SLC25A13: variants seen among roughly 807,000 people sequenced by gnomAD.
SLC25A13 encodes electrogenic aspartate/glutamate antiporter SLC25A13, mitochondrial.
SLC25A13 carries 70 observed loss-of-function variants against 85.5 expected under a neutral mutation model. The ratio of observed to expected loss-of-function variants is 0.82; its 90% CI spans 0.68 to 1.00. SLC25A13 has a LOEUF of 1.00. SLC25A13 is among the 50% of genes least tolerant of loss of function. SLC25A13 has a pLI of 0.00. For missense variants in SLC25A13, 765 were observed against 819.8 expected, an observed-to-expected ratio of 0.93 and a Z score of 0.82; for synonymous variants, 259 against 288.7, an observed-to-expected ratio of 0.90 and a Z score of 1.04.
rs138637654 is a variant in SLC25A13, at chr7:96,162,783, G to C, written c.1311+7262C>G. Among the ~76,000 whole-genome samples, 204 of 152,336 alleles carry C rather than the reference G, an allele frequency of 1.3e-3. 1 individual carries two copies. The highest frequency in any genetic ancestry group is 4.7e-3 in the African/African-American group (197 of 41,578). ...GCAGAGGGATGCAAAGTCACTGTGA[G>C]AGAGACAAAGGCCAAGTAGAGAAAA... On this transcript the variant is annotated intron_variant, in intron 13 of 17. Transcript: ENST00000265631.
At chr7:96,291,695 G>A (rs905061700) in intron 2 of SLC25A13, among the ~76,000 whole-genome samples, 1 of 151,878 alleles carries the variant, frequency 6.6e-6, no homozygotes, top group Non-Finnish European at 1.5e-5. Flanking sequence ...GGATAAATTC[G>A]TCGACACATA....
At chr7:96,238,059 C>T (rs548635006) in intron 3 of SLC25A13, among the ~76,000 whole-genome samples, 10 of 152,166 alleles carry the variant, frequency 6.6e-5, no homozygotes, top group African/African-American at 2.4e-4. Context: ...CAGAATGTGA[C>T]TTTATTTGGA....
Position 96,178,308 on chromosome 7 carries a change from G to A in SLC25A13, c.1177+5969C>T, listed in dbSNP as rs543499222. Among the ~76,000 whole-genome samples the A allele has an allele frequency of 1.5e-4, 23 of 152,234 alleles. No homozygotes were observed. The East Asian group carries it at 4.5e-3, about 29-fold the overall frequency. ...GCAACGCTAGCAGGACCACAGAGGT[G>A]GAGGGGCTACTACCAAGGAAGAAAC... On this transcript the variant is annotated intron_variant, in intron 11 of 17. Transcript: ENST00000265631.
At chr7:96,225,082 T>C (rs1214286497) in intron 4 of SLC25A13, among the ~76,000 whole-genome samples, 7 of 152,256 alleles carry the variant, frequency 4.6e-5, no homozygotes, top group Non-Finnish European at 1.0e-4. Context: ...GGTTGGCATG[T>C]ATTTTAAAAT....
At chr7:96,268,321 A>G (rs1798112105) in intron 3 of SLC25A13, among the ~76,000 whole-genome samples, 1 of 152,266 alleles carries the variant, frequency 6.6e-6, no homozygotes, top group Admixed American at 6.5e-5. Context: ...TATAAAAATT[A>G]TACTTAGAAG....
chr7:96,288,353 G>A (rs1798972745), intron 2 of SLC25A13, among the ~76,000 whole-genome samples: 1 of 152,208 alleles, frequency 6.6e-6, no homozygotes, highest in Non-Finnish European at 1.5e-5. Flanking sequence ...CGATGCAGAA[G>A]ACAGGTGATT....
At chr7:96,169,990 T>C in intron 13 of SLC25A13, 55 bp downstream of exon 13, 1 of 1,521,540 alleles carries the variant, frequency 6.6e-7, no homozygotes. Context: ...ACCATGGTAG[T>C]GATATATATG....
intron 4 of SLC25A13, among the ~76,000 whole-genome samples, chr7:96,224,889 G>T (rs926208586): frequency 5.9e-5 from 9 of 152,148 alleles, no homozygotes; most frequent in Non-Finnish European, 1.2e-4. Context: ...GTGGCACAGT[G>T]AAGAACAGTC....
chr7:96,202,357 T>A (rs951846547), intron 5 of SLC25A13, among the ~76,000 whole-genome samples: 2 of 152,190 alleles, frequency 1.3e-5, no homozygotes, highest in African/African-American at 2.4e-5. Flanking sequence ...AAAACTATGA[T>A]AAAATACTCA....
rs1562780323 is a variant in SLC25A13 at position 96,128,943 on chromosome 7, T to TCG, written c.1591+2799_1591+2800insCG. 5.1e-4 allele frequency among the ~76,000 whole-genome samples: 62 copies of TCG among 120,514 alleles called. 1 individual carries two copies. The highest frequency in any genetic ancestry group is 2.5e-3 in the African/African-American group (61 of 24,094). The allele number at this position is 120,514 out of a possible 152,430, so 79.1% of individuals were successfully genotyped here. ...ACTGCAGCTTCTGCCTTGCTTGCTC[T>TCG]CTCTCTCTCTCTCTCTCTCTCTCTC... is the stretch of plus-strand genomic sequence containing the variant. On this transcript the variant is annotated intron_variant, in intron 15 of 17. Coordinates refer to ENST00000265631, the MANE Select transcript of SLC25A13 (RefSeq NM_014251.3).
chr7:96,185,971 T>C (rs903160422), intron 9 of SLC25A13, among the ~76,000 whole-genome samples: 3 of 152,100 alleles, frequency 2.0e-5, no homozygotes, highest in Admixed American at 2.0e-4. Flanking sequence ...ATCAATCAAA[T>C]TGGCAGGTTT....
intron 2 of SLC25A13, chr7:96,283,416 A>G: frequency 2.4e-6 from 1 of 413,344 alleles, no homozygotes; most frequent in Admixed American, 2.5e-5. Flanking sequence ...GGCCTTTTAG[A>G]AAACATAGAG....
chr7:96,174,124 G>A (rs976760262), intron 11 of SLC25A13, among the ~76,000 whole-genome samples: 2 of 152,212 alleles, frequency 1.3e-5, no homozygotes, highest in Non-Finnish European at 2.9e-5. Context: ...GCACACAGGT[G>A]GGAGCGCCTG....
intron 5 of SLC25A13, among the ~76,000 whole-genome samples, chr7:96,196,992 A>G (rs1350757511): frequency 2.0e-5 from 3 of 152,214 alleles, no homozygotes; most frequent in Non-Finnish European, 2.9e-5. Flanking sequence ...CTGCAAGCCT[A>G]TAAGGTAGGT....
intron 2 of SLC25A13, among the ~76,000 whole-genome samples, chr7:96,289,180 A>G (rs1053513125): frequency 3.9e-5 from 6 of 152,222 alleles, no homozygotes; most frequent in Non-Finnish European, 8.8e-5. Context: ...ACTCCAACAG[A>G]CCTGCAGCTG....
At chr7:96,310,445 C>T (rs1799908664) in intron 1 of SLC25A13, among the ~76,000 whole-genome samples, 1 of 152,220 alleles carries the variant, frequency 6.6e-6, no homozygotes, top group Non-Finnish European at 1.5e-5. Context: ...CTTCCCAATG[C>T]ATAATATCAG....
At chr7:96,145,752 C>CA (rs1312986529) in intron 14 of SLC25A13, among the ~76,000 whole-genome samples, 6 of 152,162 alleles carry the variant, frequency 3.9e-5, no homozygotes, top group Admixed American at 2.6e-4. Context: ...GATGCTGATT[C>CA]AAAATTCATG....
rs1484619759 is a variant in SLC25A13 at position 96,120,511 on chromosome 7, A to AT, written c.*679dup. ...TTAGCACTTCCAGGAGAGGGGCTAC[A>AT]TCTCAGTTTTTTCTGTCTGTACAGT... On this transcript the variant is annotated 3_prime_UTR_variant, in exon 18 of 18. Transcript: ENST00000265631. 2 of 447,680 alleles carry AT rather than the reference A, an allele frequency of 4.5e-6. No individual in the cohort carries two copies. Among genetic ancestry groups the AT allele is most frequent in the South Asian group, 3.1e-5 (2 of 64,228 alleles). The allele number at this position is 447,680 out of a possible 1,614,324, so 27.7% of individuals were successfully genotyped here. A position where few individuals can be genotyped will look rare whatever the true frequency, so the allele number is the denominator to read the frequency against.
intron 1 of SLC25A13, among the ~76,000 whole-genome samples, chr7:96,303,606 T>A (rs888367972): frequency 1.3e-5 from 2 of 152,208 alleles, no homozygotes; most frequent in African/African-American, 4.8e-5. Flanking sequence ...ATGCGGCCTA[T>A]GTGCCATCAA....
Sources: allele counts gnomAD v4.1 joint callset (sites outside exome capture counted in the v4.1 genomes callset), GRCh38; gene constraint gnomAD v4.1.1; transcripts MANE v1.5; gene names NCBI Gene and HGNC (gene_info 2026-07-23, HGNC 2026-07-21).